STON2: variants seen among roughly 807,000 people sequenced by gnomAD.
STON2 encodes stonin 2.
In STON2, 29 loss-of-function variants were observed where a neutral mutation model predicts 65.7. The observed-to-expected ratio is 0.44, with a 90% CI of 0.33 to 0.60. The LOEUF is 0.60. Among genes scored for constraint, STON2 ranks in the 20% least tolerant of loss-of-function variants. The pLI is 0.03. For synonymous variants in STON2, 404 were observed against 414.2 expected (o/e 0.98, Z 0.30); for missense variants, 1,054 against 1,118.1 (o/e 0.94, Z 0.82).
Position 81,268,409 on chromosome 14 carries a change from C to T in STON2, c.*5G>A. On this transcript the variant is annotated 3_prime_UTR_variant, in exon 8 of 8. Transcript: ENST00000614646. ...GGGATCAGGATTCCTTGCCGCAAGGCTTTGTCACTGCACTCCACACTCCTT... is the reference window on the plus strand; with the variant it reads ...GGGATCAGGATTCCTTGCCGCAAGGTTTTGTCACTGCACTCCACACTCCTT... 7.8e-7 allele frequency: 1 copy of T among 1,289,430 alleles called. No individual in the cohort carries two copies. The allele number at this position is 1,289,430 out of a possible 1,614,324, so 79.9% of individuals were successfully genotyped here.
At chr14:81,403,570 C>G (rs1000761122), upstream of STON2, among the ~76,000 whole-genome samples, 1 of 152,084 alleles carries the variant, frequency 6.6e-6, no homozygotes. Flanking sequence ...AAACTTGACC[C>G]AAGCCCAGAA....
At chr14:81,383,397 G>A (rs1318871368) in intron 3 of STON2, among the ~76,000 whole-genome samples, 2 of 152,186 alleles carry the variant, frequency 1.3e-5, no homozygotes, top group Non-Finnish European at 2.9e-5. Context: ...AGGTGGTGAT[G>A]GTTATTATTC....
Position 81,266,638 on chromosome 14 carries a change from G to T in STON2, c.*1776C>A. 1.0e-6 allele frequency: 1 copy of T among 977,350 alleles called. No individual in the cohort carries two copies. 60.5% of individuals were successfully genotyped at this position (977,350 alleles called of 1,614,324 possible). A position where few individuals can be genotyped will look rare whatever the true frequency, so the allele number is the denominator to read the frequency against. On this transcript the variant is annotated 3_prime_UTR_variant, in exon 8 of 8. Transcript: ENST00000614646. The stretch of plus-strand genomic sequence containing the variant: ...TCCATTTAGATATGGACTAGATGGA[G>T]GGTTAATAAAAGCATGTAAGGCTTT...
chr14:81,393,454 G>A (rs555053965), intron 3 of STON2, among the ~76,000 whole-genome samples: 1 of 152,282 alleles, frequency 6.6e-6, no homozygotes, highest in East Asian at 1.9e-4. Context: ...CGGAAGGAGA[G>A]CACAGGGCAT....
At chr14:81,393,095 T>C (rs958039796) in intron 3 of STON2, among the ~76,000 whole-genome samples, 3 of 152,180 alleles carry the variant, frequency 2.0e-5, no homozygotes, top group South Asian at 4.2e-4. Context: ...ATCAAAAGCA[T>C]TGTCAGTCAC....
intron 4 of STON2, among the ~76,000 whole-genome samples, chr14:81,336,949 A>G (rs1214492671): frequency 2.0e-5 from 3 of 152,136 alleles, no homozygotes; most frequent in East Asian, 3.9e-4. Context: ...CAGTGACAGG[A>G]AAGGAGGTAG....
intron 5 of STON2, among the ~76,000 whole-genome samples, chr14:81,321,346 C>T (rs1595349571): frequency 1.7e-5 from 2 of 119,994 alleles, no homozygotes; most frequent in South Asian, 5.4e-4. Context: ...GCCGAGGCAA[C>T]AAAGTGAGAG....
At chr14:81,383,823 G>T (rs1899652552) in intron 3 of STON2, among the ~76,000 whole-genome samples, 1 of 152,070 alleles carries the variant, frequency 6.6e-6, no homozygotes, top group South Asian at 2.1e-4. Context: ...AACTCAAGCT[G>T]GATCAGGCCA....
intron 2 of STON2, among the ~76,000 whole-genome samples, chr14:81,410,374 T>A (rs1208819692): frequency 6.7e-6 from 1 of 150,194 alleles, no homozygotes; most frequent in Non-Finnish European, 1.5e-5. Context: ...CTGGTATTAC[T>A]CTTGTAGTTA....
intron 3 of STON2, among the ~76,000 whole-genome samples, chr14:81,379,550 A>T (rs891294390): frequency 2.0e-5 from 3 of 152,186 alleles, no homozygotes; most frequent in Non-Finnish European, 4.4e-5. Context: ...AAACAATCCT[A>T]AGCAAGAAGA....
intron 5 of STON2, among the ~76,000 whole-genome samples, chr14:81,280,293 T>C (rs1249548769): frequency 6.6e-6 from 1 of 151,990 alleles, no homozygotes. Context: ...GGAGGGGAAA[T>C]GAGGCTTTTA....
Position 81,278,066 on chromosome 14 carries a change from G to T in STON2, c.1416C>A (p.His472Gln). Residue 472 changes from histidine (H) to glutamine (Q), a missense_variant, in exon 6 of 8, where the codon CAC (histidine) becomes CAA (glutamine). By Grantham distance (24) the His-to-Gln change is conservative. Coordinates refer to ENST00000614646, the MANE Select transcript of STON2 (RefSeq NM_001394390.1). ...DPVAWIELDA[H>Q]PPGSARSQPR... ...GCTGGGACCGTGCTGATCCAGGCGG[G>T]TGAGCATCTAGTTCAATCCAGGCTA... 3 of 1,614,174 alleles carry T rather than the reference G, an allele frequency of 1.9e-6. No homozygotes were observed. The highest frequency in any genetic ancestry group is 2.5e-6 in the Non-Finnish European group (3 of 1,180,030).
Position 81,277,400 on chromosome 14 carries a change from T to G in STON2, c.2082A>C (p.Thr694=), listed in dbSNP as rs748753308. 16 of 1,613,962 alleles carry G rather than the reference T, an allele frequency of 9.9e-6. No homozygotes were observed. The highest frequency in any genetic ancestry group is 3.3e-5 in the Admixed American group (2 of 60,000). Residue 694 remains threonine, a synonymous_variant, in exon 6 of 8, where the codon ACA becomes ACC. Transcript: ENST00000614646. ...LRQDIMPTTT[T]KWIKLHECRF... ...GGCACTCATGGAGCTTGATCCACTT[T>G]GTGGTGGTGGTGGGCATGATGTCCT...
intron 2 of STON2, among the ~76,000 whole-genome samples, chr14:81,416,183 T>C (rs1168636608): frequency 1.3e-5 from 2 of 152,222 alleles, no homozygotes; most frequent in Non-Finnish European, 2.9e-5. Context: ...TCAGAGATTC[T>C]GTAAGATGCT....
chr14:81,383,643 C>T (rs1331313894), intron 3 of STON2, among the ~76,000 whole-genome samples: 1 of 152,178 alleles, frequency 6.6e-6, no homozygotes, highest in East Asian at 1.9e-4. Flanking sequence ...CTTCTCCAAG[C>T]TACCACCCTG....
At chr14:81,340,454 A>G (rs1897563175) in intron 4 of STON2, among the ~76,000 whole-genome samples, 1 of 152,216 alleles carries the variant, frequency 6.6e-6, no homozygotes, top group Non-Finnish European at 1.5e-5. Context: ...GAGAAACACA[A>G]TGGCTCTATA....
rs1352702187 is a variant in STON2, at chr14:81,409,156, A to C, written c.-198-10576T>G. 7.9e-5 allele frequency among the ~76,000 whole-genome samples: 12 copies of C among 152,228 alleles called. No homozygotes were observed. In the East Asian group the frequency reaches 1.9e-3, roughly 25 times the overall value. On this transcript the variant is annotated intron_variant, in intron 2 of 8. Coordinates refer to the STON2 transcript ENST00000553821. ...ACAGTGGCTCACGCCTGTAATCCTAACAATTTGGAAGGCCGAGGAGGGAGG... is the reference window on the plus strand; with the variant it reads ...ACAGTGGCTCACGCCTGTAATCCTACCAATTTGGAAGGCCGAGGAGGGAGG...
In STON2 at chr14:81,262,668, T is replaced by C. The variant is rs2140076952; in HGVS notation, c.*5746A>G. The C allele has an allele frequency of 1.0e-6, 1 of 985,496 alleles. No homozygotes were observed. The highest frequency in any genetic ancestry group is 4.7e-5 in the South Asian group (1 of 21,290). The allele number at this position is 985,496 out of a possible 1,614,324, so 61.0% of individuals were successfully genotyped here. A position where few individuals can be genotyped will look rare whatever the true frequency, so the allele number is the denominator to read the frequency against. The stretch of plus-strand genomic sequence containing the variant: ...TCATTACTGTGGATAGTTTCTGCCT[T>C]TACAGGCTTAGAATTGACAAATTGA... On this transcript the variant is annotated 3_prime_UTR_variant, in exon 8 of 8. Transcript: ENST00000614646.
At chr14:81,270,063 A>T in intron 7 of STON2, 1 of 981,606 alleles carries the variant, frequency 1.0e-6, no homozygotes, top group African/African-American at 1.7e-5. Context: ...ATTGCAAATG[A>T]ATAATAACAA....
Sources: gnomAD v4.1 joint callset for allele counts (sites outside exome capture counted in the v4.1 genomes callset) on GRCh38, gnomAD v4.1.1 for gene constraint, MANE v1.5 for transcripts, NCBI Gene and HGNC (gene_info 2026-07-23, HGNC 2026-07-21) for gene names.